Variants in PRUNE2 observed in about 807,000 individuals in gnomAD.
PRUNE2 encodes the protein prune homolog 2 with BCH domain, also known as protein prune homolog 2.
PRUNE2 carries 164 observed loss-of-function variants against 252.0 expected under a neutral mutation model. The ratio of observed to expected loss-of-function variants is 0.65; its 90% CI spans 0.57 to 0.74. The LOEUF is 0.74. Among genes scored for constraint, PRUNE2 ranks in the 30% least tolerant of loss-of-function variants. The pLI is 0.00. For missense variants in PRUNE2, 3,495 were observed against 3,711.0 expected, an observed-to-expected ratio of 0.94 and a Z score of 1.51; for synonymous variants, 1,292 against 1,350.2, an observed-to-expected ratio of 0.96 and a Z score of 0.94.
intron 6 of PRUNE2, among the ~76,000 whole-genome samples, chr9:76,792,374 C>T (rs918838086): frequency 1.3e-5 from 2 of 152,184 alleles, no homozygotes; most frequent in Non-Finnish European, 2.9e-5. Flanking sequence ...AAACCTCTTT[C>T]TTTTATAAAC....
At chr9:76,740,370 AC>A (rs2049498079) in intron 6 of PRUNE2, 1 of 148,232 alleles carries the variant, frequency 6.7e-6, no homozygotes, top group Non-Finnish European at 1.5e-5. Flanking sequence ...AATGGCGTGA[AC>A]CCGGGAGGTG....
At position 76,706,391 on chromosome 9, in the gene PRUNE2, GTCCTGACACTGC is replaced by G. The variant is rs144828766; in HGVS notation, c.5871_5882del (p.Glu1957_Gln1960del). The G allele has an allele frequency of 2.7e-3, 4,403 of 1,613,992 alleles. 73 individuals are homozygous for G. In the African/African-American group the frequency reaches 0.044, roughly 16 times the overall value. On this transcript the variant is annotated inframe_deletion, in exon 8 of 19. Transcript: ENST00000376718. ...GATGATCACAGACTGGCAGCATGGT[GTCCTGACACTGC>G]TCTTGGGTAGGTGTTTCAGGAGTCA...
chr9:76,853,510 A>G (rs1788328801), intron 2 of PRUNE2, among the ~76,000 whole-genome samples: 1 of 152,214 alleles, frequency 6.6e-6, no homozygotes, highest in Non-Finnish European at 1.5e-5. Context: ...CCACAGGGGC[A>G]TCATATGCTT....
intron 6 of PRUNE2, chr9:76,784,910 A>G (rs1281618605): frequency 6.6e-6 from 1 of 152,152 alleles, no homozygotes; most frequent in African/African-American, 2.4e-5. Flanking sequence ...ATATCACAGG[A>G]TTAACTTTTT....
At chr9:76,739,458 C>T (rs1417586815) in intron 6 of PRUNE2, 1 of 151,988 alleles carries the variant, frequency 6.6e-6, no homozygotes, top group East Asian at 1.9e-4. Flanking sequence ...TGGCAAGCAC[C>T]ACTGAGCCTT....
chr9:76,641,817 G>T, intron 12 of PRUNE2: 1 of 859,010 alleles, frequency 1.2e-6, no homozygotes, highest in Middle Eastern at 2.3e-4. Flanking sequence ...GCATGAAAGG[G>T]ATGTAACACA....
rs572653613 is a variant in PRUNE2, at chr9:76,812,595, T to G, written c.756+11037A>C. ...TTCGACTACACACAAATGATTGGCA[T>G]GCTAAAATTCTAGCGACCTTATGCT... is the stretch of plus-strand genomic sequence containing the variant. On this transcript the variant is annotated intron_variant, in intron 6 of 18. Coordinates refer to ENST00000376718, the MANE Select transcript of PRUNE2 (RefSeq NM_015225.3). 2.0e-5 allele frequency among the ~76,000 whole-genome samples: 3 copies of G among 152,344 alleles called. No individual in the cohort carries two copies. In the East Asian group the frequency reaches 5.8e-4, roughly 29 times the overall value.
chr9:76,630,459 G>T (rs1703829328), intron 15 of PRUNE2, among the ~76,000 whole-genome samples: 1 of 152,128 alleles, frequency 6.6e-6, no homozygotes, highest in South Asian at 2.1e-4. Context: ...TGGGGAAGGG[G>T]ATTAGGAACA....
At chr9:76,804,046 G>T (rs1250334125) in intron 6 of PRUNE2, among the ~76,000 whole-genome samples, 3 of 152,058 alleles carry the variant, frequency 2.0e-5, no homozygotes, top group African/African-American at 7.2e-5. Flanking sequence ...TCTTGGATGA[G>T]ATCTAAGAAA....
chr9:76,670,428 G>A (rs1248802809), intron 9 of PRUNE2, among the ~76,000 whole-genome samples: 1 of 151,964 alleles, frequency 6.6e-6, no homozygotes, highest in African/African-American at 2.4e-5. Flanking sequence ...CTGATTGCTA[G>A]CACAGCAGTC....
chr9:76,773,726 G>T (rs2053384598), intron 6 of PRUNE2, among the ~76,000 whole-genome samples: 1 of 152,176 alleles, frequency 6.6e-6, no homozygotes, highest in Non-Finnish European at 1.5e-5. Flanking sequence ...TTACAGGCGT[G>T]AGCCACCGCA....
rs71354691 is a variant in PRUNE2 at position 76,879,903 on chromosome 9, ATTTTTTT to A, written c.37-25702_37-25696del. Among the ~76,000 whole-genome samples the A allele has an allele frequency of 1.3e-3, 39 of 30,986 alleles. No homozygotes were observed. The South Asian group carries it at 0.017, about 14-fold the overall frequency. 20.3% of individuals were successfully genotyped at this position (30,986 alleles called of 152,430 possible). ...CATATATATATATATATATATATAT[ATTTTTTT>A]TTTTTTTTTTTTTTTTTTTTTGAGA... On this transcript the variant is annotated intron_variant, in intron 1 of 18. Transcript: ENST00000376718.
At position 76,709,609 on chromosome 9, in the gene PRUNE2, T is replaced by A. The variant is rs2134972526; in HGVS notation, c.2665A>T (p.Thr889Ser). ...PGNPSSDLDH[T>S]WTNSKPPKED... is the part of the protein sequence containing the mutation. ...TTTGGTGGCTTAGAATTAGTCCATGTGTGATCCAGATCAGAACTGGGATTT... is the reference window on the plus strand; with the variant it reads ...TTTGGTGGCTTAGAATTAGTCCATGAGTGATCCAGATCAGAACTGGGATTT... Residue 889 changes from threonine to serine, a missense_variant, in exon 8 of 19, where the codon ACA (threonine) becomes TCA (serine). By Grantham distance (58) the Thr-to-Ser change is moderately conservative. Coordinates refer to ENST00000376718, the MANE Select transcript of PRUNE2 (RefSeq NM_015225.3). 1.2e-6 allele frequency: 2 copies of A among 1,614,018 alleles called. No homozygotes were observed. Among genetic ancestry groups the A allele is most frequent in the Non-Finnish European group, 1.7e-6 (2 of 1,179,898 alleles).
At chr9:76,741,961 G>A (rs1337949366) in intron 6 of PRUNE2, among the ~76,000 whole-genome samples, 1 of 152,158 alleles carries the variant, frequency 6.6e-6, no homozygotes, top group Admixed American at 6.5e-5. Context: ...CAATCTGGCT[G>A]TTTTGACTAA....
At position 76,783,129 on chromosome 9, in the gene PRUNE2, G is replaced by A. The variant is rs114409241; in HGVS notation, c.756+40503C>T. Among the ~76,000 whole-genome samples the A allele has an allele frequency of 5.0e-3, 761 of 152,096 alleles. 4 individuals carry two copies. The highest frequency in any genetic ancestry group is 0.017 in the African/African-American group (723 of 41,498). ...ATTAACATCAGTTGTATCTGACTAT[G>A]CCTTTTTTTGTTTGTTTGTTTTTTG... On this transcript the variant is annotated intron_variant, in intron 6 of 18. Coordinates refer to ENST00000376718, the MANE Select transcript of PRUNE2 (RefSeq NM_015225.3).
intron 6 of PRUNE2, among the ~76,000 whole-genome samples, chr9:76,731,314 A>C (rs7852142): frequency 0.01 from 1,022 of 98,250 alleles, 18 homozygotes; most frequent in African/African-American, 0.041. Context: ...ATCTATCTAT[A>C]TATATATATA....
chr9:76,630,375 C>T (rs1026899943), intron 15 of PRUNE2, among the ~76,000 whole-genome samples: 7 of 150,654 alleles, frequency 4.6e-5, no homozygotes, highest in South Asian at 2.1e-4. Flanking sequence ...TAAATGTGTT[C>T]GTTTTAGAGA....
chr9:76,671,554 G>T, intron 9 of PRUNE2, among the ~76,000 whole-genome samples: 1 of 152,158 alleles, frequency 6.6e-6, no homozygotes, highest in Non-Finnish European at 1.5e-5. Context: ...TACAGAGAAC[G>T]CCACAAAGAT....
chr9:76,745,665 A>G (rs1308157979), intron 6 of PRUNE2, among the ~76,000 whole-genome samples: 1 of 152,180 alleles, frequency 6.6e-6, no homozygotes, highest in Non-Finnish European at 1.5e-5. Context: ...GTAAAGGCTG[A>G]TTTGAGTAAC....
Sources: allele counts gnomAD v4.1 joint callset (sites outside exome capture counted in the v4.1 genomes callset), GRCh38; gene constraint gnomAD v4.1.1; transcripts MANE v1.5; gene names NCBI Gene and HGNC (gene_info 2026-07-23, HGNC 2026-07-21).